Variants in TOP1MT observed in about 807,000 individuals in gnomAD.
The protein encoded by TOP1MT is DNA topoisomerase I, mitochondrial.
Under a neutral mutation model 73.9 loss-of-function variants are expected in TOP1MT, and 80 were observed. The observed-to-expected ratio is 1.08, with a 90% CI of 0.90 to 1.30. TOP1MT has a LOEUF of 1.30. Ranked by LOEUF, TOP1MT falls within the 50% of genes most tolerant of loss-of-function variation. The pLI, the probability that TOP1MT is intolerant of heterozygous loss-of-function variation, is 0.00. For synonymous variants in TOP1MT, 338 were observed against 326.4 expected, an observed-to-expected ratio of 1.04 and a Z score of -0.38; for missense variants, 815 against 808.0, an observed-to-expected ratio of 1.01 and a Z score of -0.10.
At chr8:143,356,133 T>C (rs1212735769), upstream of TOP1MT, 1 of 152,266 alleles carries the variant, frequency 6.6e-6, no homozygotes, top group South Asian at 2.1e-4. Flanking sequence ...CACCACAGCA[T>C]CCTGCATGTG....
At chr8:143,347,088 G>A (rs948721159), upstream of TOP1MT, among the ~76,000 whole-genome samples, 3 of 151,774 alleles carry the variant, frequency 2.0e-5, no homozygotes, top group African/African-American at 4.8e-5. Context: ...AGGTTCAAGC[G>A]ATTCTCCTGC....
rs987068727 is a variant in TOP1MT at position 143,324,054 on chromosome 8, T to C, written c.905A>G (p.Lys302Arg). 5 of 1,613,902 alleles carry C rather than the reference T, an allele frequency of 3.1e-6. No individual in the cohort carries two copies. The highest frequency in any genetic ancestry group is 1.6e-4 in the Middle Eastern group (1 of 6,062). The change falls in exon 7 of 14, where the codon AAG (lysine) becomes AGG (arginine). Residue 302 changes from lysine (K) to arginine (R), a missense_variant. Around this residue, in one of 3 missense-constraint regions of TOP1MT, gnomAD observed 751 missense variants for 725.4 expected, o/e 1.04. Transcript: ENST00000329245. The stretch of plus-strand genomic sequence containing the variant: ...CTGTCTCGTCTTCATTTCCCGAGAC[T>C]TCCAGTCAGCCCGGTACTGGGAGCG... Reference protein sequence around the residue: ...EIRSQYRADWKSREMKTRQRA... With the variant: ...EIRSQYRADWRSREMKTRQRA...
intron 6 of TOP1MT, 39 bp downstream of exon 6, chr8:143,324,446 C>T: frequency 6.2e-7 from 1 of 1,613,188 alleles, no homozygotes; most frequent in Non-Finnish European, 8.5e-7. Flanking sequence ...TCAGGGGGAC[C>T]TCCTGGGGAG....
At position 143,321,380 on chromosome 8, in the gene TOP1MT, G is replaced by A. The variant is rs1816342384; in HGVS notation, c.967C>T (p.Leu323=). The A allele has an allele frequency of 4.4e-6, 7 of 1,581,736 alleles. No individual in the cohort carries two copies. Among genetic ancestry groups the A allele is most frequent in the East Asian group, 2.3e-5 (1 of 44,298 alleles). The change falls in exon 8 of 14, where the codon CTG becomes TTG. Residue 323 remains leucine (L), a synonymous_variant. Coordinates refer to ENST00000329245, the MANE Select transcript of TOP1MT (RefSeq NM_052963.3). ...VALYFIDKLA[L]RAGNEKEDGE... ...TCCTCCTTCTCATTTCCTGCTCTCAGTGCCAGCTAGTTGGTGGGGAATGGT... is the reference window on the plus strand; with the variant it reads ...TCCTCCTTCTCATTTCCTGCTCTCAATGCCAGCTAGTTGGTGGGGAATGGT...
Position 143,341,268 on chromosome 8 carries a change from C to A in TOP1MT, c.29+1952G>T, listed in dbSNP as rs991445157. On this transcript the variant is annotated intron_variant, in intron 2 of 5. Coordinates refer to the TOP1MT transcript ENST00000518007. The surrounding 1 kb of genome is among the most constrained non-coding windows in gnomAD (Gnocchi z 4.1). ...CTCTTCCACACAGCCCTTGCCCCGG[C>A]CAGTGTCTGTGAGCTCACAGTCCAG... Among the ~76,000 whole-genome samples, 22 of 152,158 alleles carry A rather than the reference C, an allele frequency of 1.4e-4. No homozygotes were observed. The highest frequency in any genetic ancestry group is 5.1e-4 in the African/African-American group (21 of 41,438).
chr8:143,333,497 T>G (rs1469001708), intron 1 of TOP1MT, among the ~76,000 whole-genome samples: 1 of 152,206 alleles, frequency 6.6e-6, no homozygotes, highest in Non-Finnish European at 1.5e-5. Flanking sequence ...TGACCCTGAC[T>G]GCCAAGTCCT....
intron 1 of TOP1MT, among the ~76,000 whole-genome samples, chr8:143,352,629 G>T (rs1817340344): frequency 1.3e-5 from 2 of 152,156 alleles, no homozygotes; most frequent in Admixed American, 1.3e-4. Context: ...ATGGTTTTTG[G>T]GTTGGTTGGT....
At chr8:143,311,747 CAAAAA>C (rs34398519) in intron 12 of TOP1MT, among the ~76,000 whole-genome samples, 7 of 134,568 alleles carry the variant, frequency 5.2e-5, no homozygotes, top group Non-Finnish European at 8.0e-5. Flanking sequence ...GACTCTGTGT[CAAAAA>C]AAAAAAAAAA....
chr8:143,317,687 C>T lies in TOP1MT; in HGVS notation c.1330+36G>A, dbSNP rs558959569. 594 of 39,420 alleles carry T rather than the reference C, an allele frequency of 0.015. 3 individuals carry two copies. In the African/African-American group the frequency reaches 0.27, roughly 18 times the overall value. 2.4% of individuals were successfully genotyped at this position (39,420 alleles called of 1,614,324 possible). On this transcript the variant is annotated intron_variant, in intron 10 of 13. Transcript: ENST00000329245. Reference sequence around the variant, plus strand: ...CCCGGTCTGGGGCAGGGGCCGTGCTCCCCCCGCGCTGAGTGTGGGTGTGGG... The same window carrying T: ...CCCGGTCTGGGGCAGGGGCCGTGCTTCCCCCGCGCTGAGTGTGGGTGTGGG...
chr8:143,346,832 C>T (rs903721301), upstream of TOP1MT, among the ~76,000 whole-genome samples: 3 of 152,094 alleles, frequency 2.0e-5, no homozygotes, highest in South Asian at 2.1e-4. Flanking sequence ...AGAGGGAGGA[C>T]ACTAAGCAAA....
intron 4 of TOP1MT, 63 bp from the exon 5 acceptor site, chr8:143,325,596 T>C (rs1241536707): frequency 3.5e-5 from 53 of 1,503,844 alleles, no homozygotes; most frequent in Non-Finnish European, 4.7e-5. Flanking sequence ...CCTCAGTCCG[T>C]TGTTGCTAAC....
upstream of TOP1MT, among the ~76,000 whole-genome samples, chr8:143,356,573 G>A (rs1244680505): frequency 6.6e-6 from 1 of 151,216 alleles, no homozygotes; most frequent in African/African-American, 2.4e-5. Context: ...GGATCACAAG[G>A]TCAGGAGTTT....
intron 2 of TOP1MT, among the ~76,000 whole-genome samples, chr8:143,340,574 T>C (rs941582748): frequency 2.2e-4 from 33 of 151,986 alleles, no homozygotes; most frequent in African/African-American, 7.7e-4. Context: ...AGCTTTCTCT[T>C]CTTGGGGCTT....
chr8:143,317,661 G>T, intron 10 of TOP1MT, 62 bp downstream of exon 10: 1 of 1,444,400 alleles, frequency 6.9e-7, no homozygotes, highest in South Asian at 1.2e-5. Flanking sequence ...CAGCCGGGGA[G>T]CCCGGTCTGG....
chr8:143,335,750 T>C (rs750576807), upstream of TOP1MT, among the ~76,000 whole-genome samples: 1 of 152,212 alleles, frequency 6.6e-6, no homozygotes, highest in Non-Finnish European at 1.5e-5. Flanking sequence ...ACTGTGACCG[T>C]TGGGGGGAAT....
In TOP1MT at chr8:143,331,147, G is replaced by A. The variant is rs78855951; in HGVS notation, c.238+77C>T. 5.7e-3 allele frequency: 6,671 copies of A among 1,172,564 alleles called. 287 individuals are homozygous for A. In the African/African-American group the frequency reaches 0.09, roughly 16 times the overall value. The allele number at this position is 1,172,564 out of a possible 1,614,324, so 72.6% of individuals were successfully genotyped here. On this transcript the variant is annotated intron_variant, in intron 2 of 13. Coordinates refer to ENST00000329245, the MANE Select transcript of TOP1MT (RefSeq NM_052963.3). ...AAGCCTGCAGGGGGGCTGAGGGAGC[G>A]AGCCAGATGCCCACTGGGAGCCCAC...
At chr8:143,327,226 T>C (rs983658716) in intron 3 of TOP1MT, 2 of 152,344 alleles carry the variant, frequency 1.3e-5, no homozygotes, top group Non-Finnish European at 2.9e-5. Context: ...GGGGAAAACA[T>C]TACAGGCACA....
chr8:143,357,405 CAAAAA>C (rs35053879), upstream of TOP1MT, among the ~76,000 whole-genome samples: 1 of 86,240 alleles, frequency 1.2e-5, no homozygotes. Context: ...GACCTTGTCT[CAAAAA>C]AAAAAAAAAA....
rs938427506 is a variant in TOP1MT, at chr8:143,341,872, C to G, written c.29+1348G>C. 6.8e-6 allele frequency among the ~76,000 whole-genome samples: 1 copy of G among 147,602 alleles called. No homozygotes were observed. Among genetic ancestry groups the G allele is most frequent in the African/African-American group, 2.7e-5 (1 of 37,028 alleles). On this transcript the variant is annotated intron_variant, in intron 2 of 5. Coordinates refer to the TOP1MT transcript ENST00000518007. The surrounding 1 kb of genome is among the most constrained non-coding windows in gnomAD (Gnocchi z 4.1). ...TCCTCCTCCTTCCTCTTTCTCCTCC[C>G]CCTTCTTCTTCTTCTTATTAGCGAC...
Sources: gnomAD v4.1 joint callset for allele counts (sites outside exome capture counted in the v4.1 genomes callset) on GRCh38, gnomAD v4.1.1 for gene constraint, gnomAD v4.1.1 regional missense constraint, Gnocchi (gnomAD v3.1) non-coding constraint, MANE v1.5 for transcripts, NCBI Gene and HGNC (gene_info 2026-07-23, HGNC 2026-07-21) for gene names.